OPCML: variants seen among roughly 807,000 people sequenced by gnomAD.
The protein encoded by OPCML is opioid-binding protein/cell adhesion molecule.
OPCML carries 13 observed loss-of-function variants against 37.8 expected under a neutral mutation model. The observed-to-expected ratio is 0.34, with a 90% CI of 0.22 to 0.55. OPCML has a LOEUF of 0.55. Ranked by LOEUF, OPCML falls within the 20% of genes least tolerant of loss-of-function variation. OPCML has a pLI of 0.91. For synonymous variants in OPCML, 176 were observed against 168.8 expected (o/e 1.04, Z -0.33); for missense variants, 341 against 435.6 (o/e 0.78, Z 1.93).
intron 2 of OPCML, among the ~76,000 whole-genome samples, chr11:132,678,202 C>T (rs1391801302): frequency 6.6e-6 from 1 of 152,162 alleles, no homozygotes; most frequent in Non-Finnish European, 1.5e-5. Flanking sequence ...GATACCACTA[C>T]ACACCTATTA....
At chr11:133,004,053 G>A (rs891115411) in intron 1 of OPCML, 5 of 985,266 alleles carry the variant, frequency 5.1e-6, no homozygotes, top group African/African-American at 1.7e-5. Context: ...AGCTGGGAAG[G>A]AGGAAGCGAA....
chr11:133,496,754 T>A (rs1947795879), intron 1 of OPCML, among the ~76,000 whole-genome samples: 1 of 152,230 alleles, frequency 6.6e-6, no homozygotes, highest in Non-Finnish European at 1.5e-5. Flanking sequence ...TAAACTTGTA[T>A]CCAGAAACTT....
chr11:132,790,897 C>T (rs777073394), intron 2 of OPCML, among the ~76,000 whole-genome samples: 16 of 152,190 alleles, frequency 1.1e-4, no homozygotes, highest in Non-Finnish European at 1.6e-4. Flanking sequence ...AGAAAGATTT[C>T]GATTTTGGCT....
At chr11:133,266,173 T>G (rs1337574106) in intron 1 of OPCML, among the ~76,000 whole-genome samples, 1 of 152,212 alleles carries the variant, frequency 6.6e-6, no homozygotes, top group Non-Finnish European at 1.5e-5. Flanking sequence ...TAAGTCTTTA[T>G]GCAAGAACCA....
At chr11:133,082,992 G>T (rs1948759610) in intron 1 of OPCML, among the ~76,000 whole-genome samples, 2 of 151,202 alleles carry the variant, frequency 1.3e-5, no homozygotes, top group Admixed American at 6.6e-5. Flanking sequence ...GCCAGAGGGC[G>T]CCCGTCAGCG....
chr11:133,453,475 G>C (rs1946617936), intron 1 of OPCML, among the ~76,000 whole-genome samples: 1 of 152,108 alleles, frequency 6.6e-6, no homozygotes, highest in African/African-American at 2.4e-5. Flanking sequence ...TTTCCTACAA[G>C]GATATCTTAT....
chr11:133,483,592 T>C lies in OPCML; in HGVS notation c.61+48672A>G, dbSNP rs1947433087. ...GGAATGGATGATAGATTAGATAGAT[T>C]CATAGATAGAAAGAGATTTATAGAT... On this transcript the variant is annotated intron_variant, in intron 1 of 7. Coordinates refer to ENST00000524381, the MANE Select transcript of OPCML (RefSeq NM_001012393.5). Among the ~76,000 whole-genome samples the C allele has an allele frequency of 2.0e-5, 3 of 151,212 alleles. No individual in the cohort carries two copies. The South Asian group carries it at 6.3e-4, about 32-fold the overall frequency.
chr11:132,480,078 A>G (rs1309086678), intron 4 of OPCML, among the ~76,000 whole-genome samples: 3 of 152,190 alleles, frequency 2.0e-5, no homozygotes, highest in Non-Finnish European at 2.9e-5. Context: ...TCTGAGCTAC[A>G]GGAGGACATT....
chr11:132,869,399 T>TA (rs1226087493), intron 2 of OPCML, among the ~76,000 whole-genome samples: 1 of 152,112 alleles, frequency 6.6e-6, no homozygotes, highest in Admixed American at 6.5e-5. Context: ...ATAGCTTATA[T>TA]AACAGAGCAA....
intron 1 of OPCML, among the ~76,000 whole-genome samples, chr11:132,997,729 G>C (rs1946913731): frequency 6.6e-6 from 1 of 152,178 alleles, no homozygotes; most frequent in South Asian, 2.1e-4. Flanking sequence ...ATCTTATTTT[G>C]GTTGATTCCA....
intron 1 of OPCML, among the ~76,000 whole-genome samples, chr11:133,214,765 G>A (rs990800426): frequency 1.3e-5 from 2 of 152,040 alleles, no homozygotes; most frequent in African/African-American, 2.4e-5. Context: ...GAAACTTTTG[G>A]TTATTTTTCC....
intron 1 of OPCML, among the ~76,000 whole-genome samples, chr11:132,987,710 T>G (rs1156360137): frequency 5.3e-5 from 8 of 152,066 alleles, no homozygotes; most frequent in Admixed American, 5.2e-4. Flanking sequence ...AATGAATGAA[T>G]GCGTGGAGAA....
chr11:133,238,117 A>G (rs1469597099), intron 1 of OPCML, among the ~76,000 whole-genome samples: 1 of 152,208 alleles, frequency 6.6e-6, no homozygotes, highest in Non-Finnish European at 1.5e-5. Context: ...AATCAGTATC[A>G]ATTTTAAGTC....
intron 1 of OPCML, among the ~76,000 whole-genome samples, chr11:133,490,380 T>C (rs1183383436): frequency 1.3e-5 from 2 of 152,222 alleles, no homozygotes; most frequent in African/African-American, 2.4e-5. Flanking sequence ...TACTTGAACA[T>C]TGTATATTCC....
At chr11:133,409,046 C>T (rs1338734737) in intron 1 of OPCML, among the ~76,000 whole-genome samples, 1 of 152,150 alleles carries the variant, frequency 6.6e-6, no homozygotes, top group Non-Finnish European at 1.5e-5. Flanking sequence ...AGCAGTCCCT[C>T]GTGCATTCCT....
intron 3 of OPCML, among the ~76,000 whole-genome samples, chr11:132,574,213 C>G (rs1591571411): frequency 7.6e-6 from 1 of 130,726 alleles, no homozygotes; most frequent in East Asian, 2.2e-4. Context: ...TACCGTTTTT[C>G]TATTTTGTTT....
intron 2 of OPCML, among the ~76,000 whole-genome samples, chr11:132,748,668 C>A (rs755571694): frequency 2.0e-5 from 3 of 152,026 alleles, no homozygotes; most frequent in Admixed American, 1.3e-4. Context: ...GTTCATAGAG[C>A]CTTAGCTTTG....
At chr11:132,965,141 G>A (rs1290565897) in intron 1 of OPCML, among the ~76,000 whole-genome samples, 6 of 152,136 alleles carry the variant, frequency 3.9e-5, no homozygotes, top group African/African-American at 9.7e-5. Flanking sequence ...TCACCCTATC[G>A]CTTGTAAGCT....
At chr11:132,708,270 A>ACAAT (rs1414905036) in intron 2 of OPCML, among the ~76,000 whole-genome samples, 6 of 152,208 alleles carry the variant, frequency 3.9e-5, no homozygotes, top group Non-Finnish European at 8.8e-5. Flanking sequence ...TACAATCCTC[A>ACAAT]CAATCACAGG....
Sources: gnomAD v4.1 joint callset for allele counts (sites outside exome capture counted in the v4.1 genomes callset) on GRCh38, gnomAD v4.1.1 for gene constraint, MANE v1.5 for transcripts, NCBI Gene and HGNC (gene_info 2026-07-23, HGNC 2026-07-21) for gene names.